PAK1: variants seen among roughly 807,000 people sequenced by gnomAD.
PAK1 encodes serine/threonine-protein kinase PAK 1.
Under a neutral mutation model 67.4 loss-of-function variants are expected in PAK1, and 29 were observed. That is an observed-to-expected ratio of 0.43 (90% CI 0.32 to 0.59). The LOEUF (loss-of-function observed/expected upper bound fraction) is 0.59, where lower values mean the gene tolerates loss of function less well. PAK1 is among the 20% of genes least tolerant of loss of function. The probability of loss-of-function intolerance (pLI) is 0.07; values close to 1 mark genes in which losing one functional copy is unlikely to be tolerated. For missense variants in PAK1, 337 were observed against 670.7 expected (o/e 0.50, Z 5.50); for synonymous variants, 223 against 237.4 (o/e 0.94, Z 0.56).
intron 6 of PAK1, among the ~76,000 whole-genome samples, chr11:77,357,174 G>A (rs961623452): frequency 1.3e-5 from 2 of 152,212 alleles, no homozygotes; most frequent in Non-Finnish European, 2.9e-5. Flanking sequence ...TATCTGCGAT[G>A]ATGCAAAGCC....
chr11:77,522,624 A>G, the PAK1 span, among the ~76,000 whole-genome samples: 2 of 152,248 alleles, frequency 1.3e-5, no homozygotes, highest in Non-Finnish European at 2.9e-5. Context: ...TGTTAGTGGG[A>G]ATGTAAATTT....
chr11:77,482,959 G>A, the PAK1 span, among the ~76,000 whole-genome samples: 6 of 152,070 alleles, frequency 3.9e-5, no homozygotes, highest in African/African-American at 9.7e-5. Flanking sequence ...CATTTTGGGA[G>A]GCCAAGGCAG....
At chr11:77,496,606 C>T in the PAK1 span, among the ~76,000 whole-genome samples, 1 of 151,502 alleles carries the variant, frequency 6.6e-6, no homozygotes, top group Non-Finnish European at 1.5e-5. Flanking sequence ...AGAGCAAGAA[C>T]CTGAAAAAAG....
chr11:77,354,693 T>A (rs1945765622), intron 7 of PAK1, among the ~76,000 whole-genome samples: 1 of 152,234 alleles, frequency 6.6e-6, no homozygotes, highest in Non-Finnish European at 1.5e-5. Flanking sequence ...GGGCAATTTT[T>A]AAAACAGTGA....
the PAK1 span, among the ~76,000 whole-genome samples, chr11:77,489,594 G>GC: frequency 6.6e-6 from 1 of 152,142 alleles, no homozygotes; most frequent in Non-Finnish European, 1.5e-5. Context: ...GATTGCAGGC[G>GC]CGCGCCGCCA....
intron 2 of PAK1, 46 bp downstream of exon 2, chr11:77,392,284 AT>A (rs755226854): frequency 7.5e-7 from 1 of 1,326,426 alleles, no homozygotes; most frequent in Non-Finnish European, 1.0e-6. Flanking sequence ...ACCCAAAATA[AT>A]TTTTTTAAAG....
chr11:77,423,958 T>C (rs878921673), intron 1 of PAK1, among the ~76,000 whole-genome samples: 1 of 152,072 alleles, frequency 6.6e-6, no homozygotes, highest in Admixed American at 6.6e-5. Context: ...AAAATCTGAG[T>C]CTAGTGAAAA....
chr11:77,492,232 G>A, the PAK1 span, among the ~76,000 whole-genome samples: 1 of 152,108 alleles, frequency 6.6e-6, no homozygotes, highest in South Asian at 2.1e-4. Flanking sequence ...CTACTCGGGA[G>A]GCTGAGGCAG....
At chr11:77,508,917 C>T in the PAK1 span, among the ~76,000 whole-genome samples, 156 of 147,732 alleles carry the variant, frequency 1.1e-3, 1 homozygote, top group Admixed American at 2.2e-3. Context: ...GCCTCGGCCT[C>T]CCAAAGTGTT....
the PAK1 span, among the ~76,000 whole-genome samples, chr11:77,493,819 ACG>A: frequency 1.3e-5 from 2 of 152,208 alleles, no homozygotes; most frequent in African/African-American, 4.8e-5. Flanking sequence ...AGCATGTCTC[ACG>A]ATTAGGTATA....
intron 1 of PAK1, among the ~76,000 whole-genome samples, chr11:77,461,257 T>C (rs111950310): frequency 0.015 from 2,342 of 152,360 alleles, 52 homozygotes; most frequent in African/African-American, 0.054. Context: ...CTACACCTGA[T>C]AGTTTTATGT....
At chr11:77,405,576 A>T (rs540473638) in intron 1 of PAK1, among the ~76,000 whole-genome samples, 1 of 152,108 alleles carries the variant, frequency 6.6e-6, no homozygotes, top group Non-Finnish European at 1.5e-5. Context: ...AAGAAAAATT[A>T]AGATGGTATC....
the PAK1 span, among the ~76,000 whole-genome samples, chr11:77,526,135 G>A: frequency 2.6e-5 from 4 of 152,168 alleles, no homozygotes; most frequent in Non-Finnish European, 5.9e-5. Flanking sequence ...TTCTCTAACA[G>A]GGACAAATAG....
upstream of PAK1, among the ~76,000 whole-genome samples, chr11:77,478,087 C>CAT (rs1194134183): frequency 1.3e-5 from 2 of 152,198 alleles, no homozygotes; most frequent in Non-Finnish European, 2.9e-5. Context: ...AACACTCACT[C>CAT]AGACTAGGAC....
chr11:77,325,320 C>T (rs1410661003), intron 14 of PAK1: 5 of 1,613,722 alleles, frequency 3.1e-6, no homozygotes, highest in Non-Finnish European at 3.4e-6. Context: ...CCTGGATCTG[C>T]TACTTACCAG....
At chr11:77,490,062 G>T in the PAK1 span, among the ~76,000 whole-genome samples, 4 of 149,302 alleles carry the variant, frequency 2.7e-5, no homozygotes, top group Admixed American at 6.6e-5. Context: ...CTGCCCGGCC[G>T]CCCATCGTCT....
intron 1 of PAK1, among the ~76,000 whole-genome samples, chr11:77,461,699 G>T (rs1957353032): frequency 6.6e-6 from 1 of 152,186 alleles, no homozygotes; most frequent in African/African-American, 2.4e-5. Context: ...GAAAAGGGTT[G>T]TCAGGATGGC....
Position 77,422,192 on chromosome 11 carries a change from A to G in PAK1, c.-21-29651T>C, listed in dbSNP as rs570872856. 5.4e-4 allele frequency among the ~76,000 whole-genome samples: 83 copies of G among 152,302 alleles called. 1 individual carries two copies. The South Asian group carries it at 0.016, about 29-fold the overall frequency. The stretch of plus-strand genomic sequence containing the variant: ...TCCAGCCCAAAATGAGGTAGCTCCA[A>G]TAAAACACAGGCACCAGCACACATT... On this transcript the variant is annotated intron_variant, in intron 1 of 14. Coordinates refer to ENST00000356341, the MANE Select transcript of PAK1 (RefSeq NM_002576.5).
chr11:77,441,378 A>G (rs1267801743), intron 1 of PAK1, among the ~76,000 whole-genome samples: 1 of 152,204 alleles, frequency 6.6e-6, no homozygotes. Flanking sequence ...TTCACTGAGA[A>G]GTCCTTTGAG....
Sources: gnomAD v4.1 joint callset for allele counts (sites outside exome capture counted in the v4.1 genomes callset) on GRCh38, gnomAD v4.1.1 for gene constraint, MANE v1.5 for transcripts, NCBI Gene and HGNC (gene_info 2026-07-23, HGNC 2026-07-21) for gene names.